The following SOBP variants were observed in gnomAD, a reference collection of about 807,000 sequenced individuals.
SOBP encodes the protein sine oculis-binding protein homolog.
Under a neutral mutation model 53.6 loss-of-function variants are expected in SOBP, and 4 were observed. The ratio of observed to expected loss-of-function variants is 0.07; its 90% CI spans 0.04 to 0.17. The LOEUF (loss-of-function observed/expected upper bound fraction) is 0.17, where lower values mean the gene tolerates loss of function less well. Ranked by LOEUF, SOBP falls within the 10% of genes least tolerant of loss-of-function variation. The pLI is 1.00. For missense variants in SOBP, 1,088 were observed against 1,204.7 expected (o/e 0.90, Z 1.43); for synonymous variants, 584 against 522.6 (o/e 1.12, Z -1.60).
At chr6:107,594,395 A>T (rs9386650) in intron 5 of SOBP, among the ~76,000 whole-genome samples, 25,511 of 151,926 alleles carry the variant, frequency 0.17, 2,698 homozygotes, top group East Asian at 0.51. Context: ...AAAGTTTTAC[A>T]TGTGCACATT....
intron 5 of SOBP, among the ~76,000 whole-genome samples, chr6:107,620,335 G>A (rs1003110112): frequency 3.3e-5 from 5 of 152,180 alleles, no homozygotes. Context: ...TCTCTCCTCT[G>A]TGGTCCTCTG....
At chr6:107,549,244 G>T (rs927133424) in intron 4 of SOBP, among the ~76,000 whole-genome samples, 1 of 151,852 alleles carries the variant, frequency 6.6e-6, no homozygotes, top group Non-Finnish European at 1.5e-5. Flanking sequence ...TCCAATCTGG[G>T]CAACAGAGCG....
chr6:107,547,650 C>T (rs1227959469), intron 4 of SOBP, among the ~76,000 whole-genome samples: 2 of 152,150 alleles, frequency 1.3e-5, no homozygotes, highest in Admixed American at 6.5e-5. Context: ...TCAAAATGTA[C>T]TCAGCCTCTT....
intron 5 of SOBP, among the ~76,000 whole-genome samples, chr6:107,605,325 AG>A (rs1786334476): frequency 6.6e-6 from 1 of 152,252 alleles, no homozygotes; most frequent in African/African-American, 2.4e-5. Flanking sequence ...AGCAAACTGA[AG>A]TGGGGAACCC....
chr6:107,536,073 G>A (rs1314540194), intron 4 of SOBP, among the ~76,000 whole-genome samples: 1 of 151,914 alleles, frequency 6.6e-6, no homozygotes, highest in Non-Finnish European at 1.5e-5. Context: ...TTTGAGAAGT[G>A]GATAGAAAAC....
chr6:107,606,859 G>T (rs1330408653), intron 5 of SOBP, among the ~76,000 whole-genome samples: 1 of 152,198 alleles, frequency 6.6e-6, no homozygotes, highest in Admixed American at 6.5e-5. Flanking sequence ...TGCACCCCAT[G>T]ACTTCAAAGG....
At chr6:107,642,930 G>A (rs1243957444) in intron 6 of SOBP, among the ~76,000 whole-genome samples, 1 of 152,142 alleles carries the variant, frequency 6.6e-6, no homozygotes, top group African/African-American at 2.4e-5. Context: ...ATATGTTTTT[G>A]GTATTGAAAA....
In SOBP at chr6:107,656,323, GAA is replaced by G. The variant is rs1380772832; in HGVS notation, c.*4-1882_*4-1881del. 3.3e-4 allele frequency among the ~76,000 whole-genome samples: 3 copies of G among 9,104 alleles called. No individual in the cohort carries two copies. In the East Asian group the frequency reaches 0.05, roughly 152 times the overall value. The allele number at this position is 9,104 out of a possible 152,430, so 6.0% of individuals were successfully genotyped here. On this transcript the variant is annotated intron_variant, in intron 6 of 6. Transcript: ENST00000317357. ...AGAAAGAAAGAAAGAAAGAAAGAAAGAAAGAAAGAAAGAAAGAAAGAGAAAGA... is the reference window on the plus strand; with the variant it reads ...AGAAAGAAAGAAAGAAAGAAAGAAAGAGAAAGAAAGAAAGAAAGAGAAAGA...
chr6:107,564,518 C>A (rs926219436), intron 4 of SOBP, among the ~76,000 whole-genome samples: 4 of 152,216 alleles, frequency 2.6e-5, no homozygotes, highest in Non-Finnish European at 5.9e-5. Flanking sequence ...CAGGAATTTT[C>A]TTCCAGAATT....
At chr6:107,657,243 G>C (rs1485737502) in intron 6 of SOBP, among the ~76,000 whole-genome samples, 1 of 152,206 alleles carries the variant, frequency 6.6e-6, no homozygotes, top group Non-Finnish European at 1.5e-5. Context: ...ATGAAAGAAG[G>C]CTGCAGGTAT....
intron 3 of SOBP, among the ~76,000 whole-genome samples, chr6:107,532,291 G>A (rs1231586311): frequency 6.9e-6 from 1 of 144,124 alleles, no homozygotes; most frequent in African/African-American, 2.6e-5. Flanking sequence ...CACACACACA[G>A]TCACTATCAA....
At chr6:107,490,740 GACTGA>G in intron 1 of SOBP, 28 bp downstream of exon 1, 1 of 1,527,380 alleles carries the variant, frequency 6.5e-7, no homozygotes, top group Non-Finnish European at 8.9e-7. Flanking sequence ...GGGCCAGGGA[GACTGA>G]GCTCTTTCTT....
At chr6:107,583,972 C>T (rs1034452109) in intron 4 of SOBP, among the ~76,000 whole-genome samples, 6 of 152,094 alleles carry the variant, frequency 3.9e-5, no homozygotes, top group Non-Finnish European at 8.8e-5. Flanking sequence ...TATTTTGGGG[C>T]ATGTGGGATT....
intron 6 of SOBP, among the ~76,000 whole-genome samples, chr6:107,636,592 T>C (rs1195253805): frequency 6.6e-6 from 1 of 152,232 alleles, no homozygotes; most frequent in Non-Finnish European, 1.5e-5. Flanking sequence ...CAAAATTCAG[T>C]TGAGTTTATC....
chr6:107,500,516 AT>A (rs1156743406), intron 1 of SOBP, among the ~76,000 whole-genome samples: 1 of 151,918 alleles, frequency 6.6e-6, no homozygotes. Flanking sequence ...TGAAATTTAA[AT>A]TTAAAAAAAA....
chr6:107,533,701 CACCTTTT>C, intron 4 of SOBP, 91 bp downstream of exon 4: 4 of 1,490,582 alleles, frequency 2.7e-6, no homozygotes, highest in Admixed American at 1.8e-5. Flanking sequence ...AAACACTGCG[CACCTTTT>C]ACTTTTATAT....
At chr6:107,620,165 T>G (rs1786951498) in intron 5 of SOBP, among the ~76,000 whole-genome samples, 2 of 152,324 alleles carry the variant, frequency 1.3e-5, no homozygotes, top group Middle Eastern at 3.4e-3. Flanking sequence ...ACTGCCTTAC[T>G]GCTCCCAAGG....
At chr6:107,560,591 A>T (rs1583212323) in intron 4 of SOBP, among the ~76,000 whole-genome samples, 1 of 152,110 alleles carries the variant, frequency 6.6e-6, no homozygotes, top group Non-Finnish European at 1.5e-5. Context: ...CCATTTTTAA[A>T]GTTTTCACTA....
At position 107,641,711 on chromosome 6, in the gene SOBP, A is replaced by G. The variant is rs74463176; in HGVS notation, c.*3+6242A>G. Among the ~76,000 whole-genome samples the G allele has an allele frequency of 6.4e-3, 978 of 152,314 alleles. 8 individuals carry two copies. The highest frequency in any genetic ancestry group is 0.019 in the South Asian group (93 of 4,812). On this transcript the variant is annotated intron_variant, in intron 6 of 6. Transcript: ENST00000317357. ...GTTTCCAATGAGTCACTCCCTTGCC[A>G]GCCTAAGCTGCTGCCTGTGCACCAT...
Sources: gnomAD v4.1 joint callset for allele counts (sites outside exome capture counted in the v4.1 genomes callset) on GRCh38, gnomAD v4.1.1 for gene constraint, MANE v1.5 for transcripts, NCBI Gene and HGNC (gene_info 2026-07-23, HGNC 2026-07-21) for gene names.